Variants in NEK7 observed in about 807,000 individuals in gnomAD.
NEK7 encodes NIMA related kinase 7.
NEK7 carries 18 observed loss-of-function variants against 44.6 expected under a neutral mutation model. That is an observed-to-expected ratio of 0.40 (90% CI 0.28 to 0.60). The LOEUF (loss-of-function observed/expected upper bound fraction) is 0.60, where lower values mean the gene tolerates loss of function less well. Ranked by LOEUF, NEK7 falls within the 20% of genes least tolerant of loss-of-function variation. The pLI is 0.38. For synonymous variants in NEK7, 130 were observed against 121.1 expected, an observed-to-expected ratio of 1.07 and a Z score of -0.48; for missense variants, 256 against 366.5, an observed-to-expected ratio of 0.70 and a Z score of 2.46.
At position 198,319,402 on chromosome 1, in the gene NEK7, T is replaced by G. The variant is rs752947156; in HGVS notation, c.799-10T>G. ...CTTAATCAGGTTTTATTGTTTTTCT[T>G]TCTTCACAGCTCCGACAGTTAGTTA... On this transcript the variant is annotated splice_polypyrimidine_tract_variant and intron_variant, in intron 9 of 9. Coordinates refer to ENST00000367385, the MANE Select transcript of NEK7 (RefSeq NM_133494.3). The G allele has an allele frequency of 6.3e-6, 10 of 1,598,572 alleles. No individual in the cohort carries two copies. The highest frequency in any genetic ancestry group is 8.5e-6 in the Non-Finnish European group (10 of 1,171,322).
intron 7 of NEK7, among the ~76,000 whole-genome samples, chr1:198,281,122 C>G (rs1430311475): frequency 6.6e-6 from 1 of 151,768 alleles, no homozygotes; most frequent in East Asian, 1.9e-4. Flanking sequence ...CCATAAAAAT[C>G]CTACTTAGAA....
chr1:198,256,222 T>G, intron 3 of NEK7: 1 of 1,305,720 alleles, frequency 7.7e-7, no homozygotes, highest in Non-Finnish European at 1.0e-6. Flanking sequence ...TCCAGAATCC[T>G]CAGCTTAGTT....
At chr1:198,302,680 G>A (rs955491516) in intron 9 of NEK7, among the ~76,000 whole-genome samples, 23 of 152,124 alleles carry the variant, frequency 1.5e-4, no homozygotes, top group African/African-American at 5.3e-4. Flanking sequence ...ACATATTTAT[G>A]TGGCTTTGAA....
At chr1:198,189,304 C>T (rs1386394750) in intron 1 of NEK7, among the ~76,000 whole-genome samples, 9 of 152,110 alleles carry the variant, frequency 5.9e-5, no homozygotes, top group East Asian at 3.8e-4. Context: ...TATGAACTGA[C>T]ATCTTACAAT....
intron 1 of NEK7, among the ~76,000 whole-genome samples, chr1:198,167,247 T>C (rs1664294984): frequency 6.6e-6 from 1 of 152,224 alleles, no homozygotes; most frequent in Non-Finnish European, 1.5e-5. Context: ...GACATCCTCA[T>C]GACCTCACCT....
chr1:198,162,551 G>T (rs993783455), intron 1 of NEK7, among the ~76,000 whole-genome samples: 7 of 152,030 alleles, frequency 4.6e-5, no homozygotes, highest in Non-Finnish European at 8.8e-5. Context: ...ATGGTAGCAG[G>T]CCCAGTGTTA....
intron 1 of NEK7, among the ~76,000 whole-genome samples, chr1:198,162,515 G>A (rs115336667): frequency 8.1e-4 from 123 of 152,268 alleles, no homozygotes; most frequent in African/African-American, 2.2e-3. Flanking sequence ...GCCTTGAGGA[G>A]TAAATGAAAA....
intron 1 of NEK7, among the ~76,000 whole-genome samples, chr1:198,224,028 G>A (rs1425708611): frequency 6.6e-6 from 1 of 152,094 alleles, no homozygotes; most frequent in Non-Finnish European, 1.5e-5. Context: ...CCTGCCACCT[G>A]TCAAATTTGG....
At chr1:198,312,485 T>G (rs1244737572) in intron 9 of NEK7, among the ~76,000 whole-genome samples, 7 of 152,168 alleles carry the variant, frequency 4.6e-5, no homozygotes, top group Non-Finnish European at 1.0e-4. Context: ...TGCTAGCTTT[T>G]GAATGTGTTT....
chr1:198,157,434 G>C (rs536597894), intron 1 of NEK7, among the ~76,000 whole-genome samples, 158 bp downstream of exon 1: 1 of 152,180 alleles, frequency 6.6e-6, no homozygotes, highest in African/African-American at 2.4e-5. Flanking sequence ...CGCTGCGCTC[G>C]AGGCGGATGG....
At chr1:198,205,890 G>A (rs1665583673) in intron 1 of NEK7, among the ~76,000 whole-genome samples, 1 of 152,044 alleles carries the variant, frequency 6.6e-6, no homozygotes. Context: ...TATGAAACAA[G>A]TTTTTAGAAA....
chr1:198,207,730 T>G (rs57625101), intron 1 of NEK7, among the ~76,000 whole-genome samples: 22,305 of 152,084 alleles, frequency 0.15, 2,128 homozygotes, highest in South Asian at 0.26. Flanking sequence ...CTGATGGAAC[T>G]GTTCTATATT....
intron 2 of NEK7, among the ~76,000 whole-genome samples, chr1:198,237,646 T>G (rs1374659275): frequency 6.6e-6 from 1 of 152,214 alleles, no homozygotes; most frequent in Non-Finnish European, 1.5e-5. Flanking sequence ...CTTTCACCTA[T>G]TTTATTGCAG....
intron 2 of NEK7, among the ~76,000 whole-genome samples, chr1:198,245,925 T>C (rs1184910681): frequency 6.6e-6 from 1 of 152,216 alleles, no homozygotes; most frequent in Non-Finnish European, 1.5e-5. Context: ...AATCTCAGTA[T>C]TTTGCTGAGT....
intron 9 of NEK7, among the ~76,000 whole-genome samples, chr1:198,310,560 G>C (rs558609997): frequency 2.8e-5 from 4 of 143,860 alleles, no homozygotes; most frequent in Non-Finnish European, 6.0e-5. Flanking sequence ...TTCTTCTAGG[G>C]TTTTTATGGT....
At chr1:198,267,702 C>G (rs1188497503) in intron 5 of NEK7, among the ~76,000 whole-genome samples, 1 of 152,048 alleles carries the variant, frequency 6.6e-6, no homozygotes, top group Non-Finnish European at 1.5e-5. Flanking sequence ...CTCAGCCTCC[C>G]AAAGTGCTGG....
At chr1:198,203,884 T>C (rs80249122) in intron 1 of NEK7, among the ~76,000 whole-genome samples, 4,340 of 152,264 alleles carry the variant, frequency 0.029, 199 homozygotes, top group African/African-American at 0.099. Context: ...CTTCCTGTTT[T>C]CTTTTGTAAA....
At chr1:198,266,409 A>G (rs1187265027) in intron 5 of NEK7, among the ~76,000 whole-genome samples, 2 of 152,060 alleles carry the variant, frequency 1.3e-5, no homozygotes, top group Admixed American at 6.6e-5. Context: ...GACATTTACT[A>G]TGTGCCAGGT....
intron 1 of NEK7, among the ~76,000 whole-genome samples, chr1:198,159,053 G>A (rs980889551): frequency 1.3e-5 from 2 of 152,210 alleles, no homozygotes; most frequent in South Asian, 2.1e-4. Context: ...GTGTTAAGGG[G>A]GAGGAAGGAG....
Sources: gnomAD v4.1 joint callset for allele counts (sites outside exome capture counted in the v4.1 genomes callset) on GRCh38, gnomAD v4.1.1 for gene constraint, MANE v1.5 for transcripts, NCBI Gene and HGNC (gene_info 2026-07-23, HGNC 2026-07-21) for gene names.